The following ARHGAP24 variants were observed in gnomAD, a reference collection of about 807,000 sequenced individuals.
ARHGAP24 encodes rho GTPase-activating protein 24.
ARHGAP24 carries 50 observed loss-of-function variants against 76.4 expected under a neutral mutation model. The ratio of observed to expected loss-of-function variants is 0.65; its 90% CI spans 0.52 to 0.83. The LOEUF is 0.83. ARHGAP24 is among the 40% of genes least tolerant of loss of function. The pLI, the probability that ARHGAP24 is intolerant of heterozygous loss-of-function variation, is 0.00. For missense variants in ARHGAP24, 930 were observed against 914.2 expected (o/e 1.02, Z -0.22); for synonymous variants, 345 against 323.3 (o/e 1.07, Z -0.72).
intron 2 of ARHGAP24, among the ~76,000 whole-genome samples, chr4:85,673,676 C>A (rs989528198): frequency 6.9e-6 from 1 of 145,036 alleles, no homozygotes; most frequent in Non-Finnish European, 1.5e-5. Flanking sequence ...GCTTAGATCT[C>A]CCCACTGGTA....
chr4:85,512,395 C>T (rs529967970), intron 1 of ARHGAP24, among the ~76,000 whole-genome samples: 1 of 152,332 alleles, frequency 6.6e-6, no homozygotes, highest in Non-Finnish European at 1.5e-5. Flanking sequence ...TCTAGTTAGA[C>T]ACCCAAGCTT....
chr4:85,665,139 G>T (rs1323799022), intron 2 of ARHGAP24, among the ~76,000 whole-genome samples: 4 of 152,070 alleles, frequency 2.6e-5, no homozygotes, highest in African/African-American at 9.7e-5. Flanking sequence ...TTATTATTGT[G>T]TGGGAGTCTA....
intron 1 of ARHGAP24, among the ~76,000 whole-genome samples, chr4:85,530,566 A>C (rs1162833237): frequency 6.6e-6 from 1 of 152,042 alleles, no homozygotes; most frequent in Non-Finnish European, 1.5e-5. Context: ...ATAAACACTC[A>C]CATAATAATT....
intron 2 of ARHGAP24, among the ~76,000 whole-genome samples, chr4:85,638,252 A>T (rs182600032): frequency 7.2e-5 from 11 of 152,262 alleles, no homozygotes; most frequent in Admixed American, 7.2e-4. Flanking sequence ...ACCACATTTA[A>T]TGATACTTAT....
At chr4:85,707,298 T>G (rs1724351142) in intron 2 of ARHGAP24, among the ~76,000 whole-genome samples, 1 of 152,228 alleles carries the variant, frequency 6.6e-6, no homozygotes, top group Non-Finnish European at 1.5e-5. Context: ...CCAGATGTTG[T>G]GGGTAAAGAG....
intron 1 of ARHGAP24, among the ~76,000 whole-genome samples, chr4:85,484,762 G>A (rs1295391186): frequency 1.3e-5 from 2 of 152,048 alleles, no homozygotes; most frequent in East Asian, 3.9e-4. Flanking sequence ...GACTATAGGC[G>A]TGCACCACCA....
At chr4:85,541,525 A>AT (rs570864877) in intron 1 of ARHGAP24, among the ~76,000 whole-genome samples, 1 of 152,064 alleles carries the variant, frequency 6.6e-6, no homozygotes, top group African/African-American at 2.4e-5. Context: ...AACAATATAT[A>AT]TTTTTTTGTG....
At chr4:85,497,241 G>A (rs1723618741) in intron 1 of ARHGAP24, among the ~76,000 whole-genome samples, 1 of 152,164 alleles carries the variant, frequency 6.6e-6, no homozygotes, top group Admixed American at 6.5e-5. Flanking sequence ...AGCCCAATCA[G>A]GGTACAAAAT....
At chr4:85,633,385 C>T (rs28385277) in intron 2 of ARHGAP24, among the ~76,000 whole-genome samples, 1,719 of 152,002 alleles carry the variant, frequency 0.011, 36 homozygotes, top group African/African-American at 0.039. Flanking sequence ...ATATAGTCTG[C>T]TCCTTTCTCA....
chr4:85,880,773 C>T (rs1168378572), intron 3 of ARHGAP24, among the ~76,000 whole-genome samples: 1 of 152,154 alleles, frequency 6.6e-6, no homozygotes, highest in East Asian at 1.9e-4. Flanking sequence ...TCGTGATCCG[C>T]CCGCCTCGGC....
chr4:85,922,219 CT>C (rs1188766342), intron 3 of ARHGAP24, among the ~76,000 whole-genome samples: 1 of 152,192 alleles, frequency 6.6e-6, no homozygotes, highest in African/African-American at 2.4e-5. Context: ...AGTTATTGCG[CT>C]TCTCTGACTT....
chr4:85,735,000 C>A (rs1371061859), intron 3 of ARHGAP24, among the ~76,000 whole-genome samples: 1 of 152,148 alleles, frequency 6.6e-6, no homozygotes, highest in African/African-American at 2.4e-5. Flanking sequence ...ATATCTGTTA[C>A]TACAGAGAAA....
intron 1 of ARHGAP24, among the ~76,000 whole-genome samples, chr4:85,488,717 A>G (rs533604814): frequency 6.6e-6 from 1 of 152,314 alleles, no homozygotes; most frequent in South Asian, 2.1e-4. Context: ...CATCTGATGC[A>G]TATAATGAAT....
At chr4:85,498,325 T>C (rs911292040) in intron 1 of ARHGAP24, among the ~76,000 whole-genome samples, 5 of 152,228 alleles carry the variant, frequency 3.3e-5, no homozygotes, top group Non-Finnish European at 7.3e-5. Context: ...CTGGCCATGC[T>C]AGCTTTGTGT....
At position 85,966,235 on chromosome 4, in the gene ARHGAP24, C is replaced by G. The variant is rs533960996; in HGVS notation, c.600-5801C>G. ...GAATTCATCTAACCCTAATTACCTC[C>G]CAGAGCCCTATCTCCAAGTACCATT... On this transcript the variant is annotated intron_variant, in intron 5 of 9. Coordinates refer to ENST00000395184, the MANE Select transcript of ARHGAP24 (RefSeq NM_001025616.3). 9.2e-5 allele frequency among the ~76,000 whole-genome samples: 14 copies of G among 152,188 alleles called. No homozygotes were observed. The East Asian group carries it at 2.7e-3, about 29-fold the overall frequency.
chr4:85,701,462 T>A (rs1384488574), intron 2 of ARHGAP24, among the ~76,000 whole-genome samples: 2 of 152,240 alleles, frequency 1.3e-5, no homozygotes, highest in African/African-American at 4.8e-5. Flanking sequence ...GTACCCAATA[T>A]CATCTTGTTT....
intron 1 of ARHGAP24, among the ~76,000 whole-genome samples, chr4:85,505,415 T>G (rs1475264955): frequency 3.3e-5 from 5 of 152,184 alleles, no homozygotes; most frequent in Non-Finnish European, 7.3e-5. Flanking sequence ...AGGCATTGTT[T>G]GTTTCTTTTT....
intron 2 of ARHGAP24, among the ~76,000 whole-genome samples, chr4:85,605,021 T>C (rs1204894019): frequency 6.6e-6 from 1 of 152,318 alleles, no homozygotes; most frequent in East Asian, 1.9e-4. Context: ...AGAATGTTAA[T>C]TGTACTTATA....
chr4:85,589,523 C>T (rs552698843), intron 2 of ARHGAP24, among the ~76,000 whole-genome samples: 1 of 152,264 alleles, frequency 6.6e-6, no homozygotes, highest in African/African-American at 2.4e-5. Flanking sequence ...TTCTTTTTCT[C>T]ATGTAATCAT....
Sources: allele counts gnomAD v4.1 joint callset (sites outside exome capture counted in the v4.1 genomes callset), GRCh38; gene constraint gnomAD v4.1.1; transcripts MANE v1.5; gene names NCBI Gene and HGNC (gene_info 2026-07-23, HGNC 2026-07-21).